CERKL: variants seen among roughly 807,000 people sequenced by gnomAD.
The protein encoded by CERKL is CERK like autophagy regulator.
CERKL carries 61 observed loss-of-function variants against 63.4 expected under a neutral mutation model. The ratio of observed to expected loss-of-function variants is 0.96; its 90% CI spans 0.78 to 1.19. CERKL has a LOEUF of 1.19. CERKL is among the 50% of genes most tolerant of loss of function. CERKL has a pLI of 0.00. For synonymous variants in CERKL, 250 were observed against 230.5 expected (o/e 1.08, Z -0.77); for missense variants, 675 against 655.5 (o/e 1.03, Z -0.33).
rs869037405 is a variant in CERKL at position 181,609,533 on chromosome 2, T to TAAAAAAAAAAAAAAAAA, written c.239-5471_239-5455dup. ...CACCATGGTGAAACCCTGTCTCTAC[T>TAAAAAAAAAAAAAAAAA]AAAAAAAAAAAAAAAAAAAAAAATT... On this transcript the variant is annotated intron_variant, in intron 1 of 12. Coordinates refer to ENST00000410087, the MANE Select transcript of CERKL (RefSeq NM_201548.5). 9.1e-4 allele frequency among the ~76,000 whole-genome samples: 64 copies of TAAAAAAAAAAAAAAAAA among 70,214 alleles called. 2 individuals carry two copies. The highest frequency in any genetic ancestry group is 1.6e-3 in the African/African-American group (33 of 21,092). 46.1% of individuals were successfully genotyped at this position (70,214 alleles called of 152,430 possible).
rs143931358 is a variant in CERKL at position 181,537,853 on chromosome 2, C to T, written c.*331G>A. On this transcript the variant is annotated 3_prime_UTR_variant, in exon 13 of 13. Transcript: ENST00000410087. Reference sequence around the variant, plus strand: ...TAACATCAATTTCTATTAGGATATCCGTTTGGCCACACAGCAGGAGGTTAG... The same window carrying T: ...TAACATCAATTTCTATTAGGATATCTGTTTGGCCACACAGCAGGAGGTTAG... 2.7e-4 allele frequency: 135 copies of T among 506,674 alleles called. 1 individual carries two copies. Among genetic ancestry groups the T allele is most frequent in the East Asian group, 1.6e-3 (30 of 18,802 alleles). 31.4% of individuals were successfully genotyped at this position (506,674 alleles called of 1,614,324 possible). A position where few individuals can be genotyped will look rare whatever the true frequency, so the allele number is the denominator to read the frequency against.
At chr2:181,539,350 G>A (rs1687382725) in intron 11 of CERKL, 86 bp from the exon 12 acceptor site, 7 of 843,346 alleles carry the variant, frequency 8.3e-6, no homozygotes, top group African/African-American at 1.7e-5. Context: ...TCTCTCACAA[G>A]TAAATATCAG....
At position 181,654,218 on chromosome 2, in the gene CERKL, T is replaced by C. The variant is rs555140733; in HGVS notation, c.238+2551A>G. On this transcript the variant is annotated intron_variant, in intron 1 of 12. Coordinates refer to ENST00000410087, the MANE Select transcript of CERKL (RefSeq NM_201548.5). ...ACTTTGTGCCTCCCAAATTGACTTATAGCCTCTTTTCGAAAGCCTCACTTC... is the reference window on the plus strand; with the variant it reads ...ACTTTGTGCCTCCCAAATTGACTTACAGCCTCTTTTCGAAAGCCTCACTTC... Among the ~76,000 whole-genome samples, 60 of 151,246 alleles carry C rather than the reference T, an allele frequency of 4.0e-4. 1 individual carries two copies. The South Asian group carries it at 4.6e-3, about 12-fold the overall frequency.
At chr2:181,605,877 C>T (rs1291034240) in intron 1 of CERKL, among the ~76,000 whole-genome samples, 7 of 151,950 alleles carry the variant, frequency 4.6e-5, no homozygotes, top group Non-Finnish European at 1.0e-4. Context: ...TGTTATCCTC[C>T]GATTGGAGTG....
intron 1 of CERKL, among the ~76,000 whole-genome samples, chr2:181,624,419 T>C (rs527753312): frequency 2.0e-3 from 296 of 151,686 alleles, no homozygotes; most frequent in African/African-American, 6.9e-3. Context: ...CCTGTAGTCC[T>C]AGCTACTGGA....
rs1403005757 is a variant in CERKL, at chr2:181,537,956, T to C, written c.*228A>G. 6.3e-6 allele frequency: 4 copies of C among 638,784 alleles called. No homozygotes were observed. The highest frequency in any genetic ancestry group is 3.6e-5 in the African/African-American group (2 of 55,602). 39.6% of individuals were successfully genotyped at this position (638,784 alleles called of 1,614,324 possible). A position where few individuals can be genotyped will look rare whatever the true frequency, so the allele number is the denominator to read the frequency against. On this transcript the variant is annotated 3_prime_UTR_variant, in exon 13 of 13. Transcript: ENST00000410087. ...GATTCTCATAGAAGTGCGAACCATA[T>C]GGTGAACTGGTATGTGAGGGATCTA...
chr2:181,651,105 C>A (rs1443441478), intron 1 of CERKL, among the ~76,000 whole-genome samples: 1 of 152,168 alleles, frequency 6.6e-6, no homozygotes, highest in Non-Finnish European at 1.5e-5. Flanking sequence ...AAACATTTAA[C>A]AAACCAATAT....
intron 4 of CERKL, among the ~76,000 whole-genome samples, chr2:181,564,812 G>T (rs969770747): frequency 6.6e-6 from 1 of 152,172 alleles, no homozygotes; most frequent in Admixed American, 6.5e-5. Flanking sequence ...CAAATAGGTA[G>T]TTGGTATGCA....
intron 1 of CERKL, among the ~76,000 whole-genome samples, chr2:181,607,466 C>T (rs530822858): frequency 6.6e-6 from 1 of 152,280 alleles, no homozygotes; most frequent in Admixed American, 6.5e-5. Context: ...GAAAACAGCC[C>T]TTCTCTTATA....
At chr2:181,654,768 C>G (rs1409411896) in intron 1 of CERKL, among the ~76,000 whole-genome samples, 1 of 152,034 alleles carries the variant, frequency 6.6e-6, no homozygotes, top group Non-Finnish European at 1.5e-5. Context: ...TCTTATTTCC[C>G]AGTGTTTGTT....
chr2:181,575,913 A>G (rs1442085417), intron 2 of CERKL, among the ~76,000 whole-genome samples: 1 of 152,150 alleles, frequency 6.6e-6, no homozygotes. Context: ...GCCTTTCTTA[A>G]TCAGCAACAG....
At chr2:181,637,324 A>G (rs1687222361) in intron 1 of CERKL, among the ~76,000 whole-genome samples, 1 of 152,192 alleles carries the variant, frequency 6.6e-6, no homozygotes, top group Admixed American at 6.5e-5. Context: ...CAAAAAACGG[A>G]AAGTAAAGTT....
intron 1 of CERKL, among the ~76,000 whole-genome samples, chr2:181,648,389 T>C (rs1687754990): frequency 6.6e-6 from 1 of 151,800 alleles, no homozygotes; most frequent in African/African-American, 2.4e-5. Context: ...GATAATTTAT[T>C]CAAGATGCTA....
At chr2:181,644,398 T>G (rs539672390) in intron 1 of CERKL, among the ~76,000 whole-genome samples, 1 of 152,370 alleles carries the variant, frequency 6.6e-6, no homozygotes, top group African/African-American at 2.4e-5. Context: ...CATGTATGAT[T>G]CTATAATTAA....
chr2:181,592,895 T>C (rs1034980381), intron 2 of CERKL, among the ~76,000 whole-genome samples: 2 of 152,138 alleles, frequency 1.3e-5, no homozygotes, highest in African/African-American at 4.8e-5. Context: ...ATGAATTCTA[T>C]TAGTATAATG....
intron 2 of CERKL, among the ~76,000 whole-genome samples, chr2:181,602,538 C>G (rs1348534423): frequency 6.6e-6 from 1 of 151,608 alleles, no homozygotes; most frequent in Non-Finnish European, 1.5e-5. Context: ...TTGAAATAAC[C>G]AAGTCTTCTT....
At chr2:181,576,562 T>C (rs1293610925) in intron 2 of CERKL, among the ~76,000 whole-genome samples, 2 of 152,222 alleles carry the variant, frequency 1.3e-5, no homozygotes, top group African/African-American at 4.8e-5. Context: ...GGACTTTGGC[T>C]TTTGTAGAGA....
chr2:181,590,502 A>G (rs1448142197), intron 2 of CERKL, among the ~76,000 whole-genome samples: 2 of 142,920 alleles, frequency 1.4e-5, no homozygotes, highest in Non-Finnish European at 3.0e-5. Flanking sequence ...GAAAAGTTAT[A>G]TATTGGGAGA....
At chr2:181,540,262 C>G (rs1358649059) in intron 11 of CERKL, among the ~76,000 whole-genome samples, 2 of 152,154 alleles carry the variant, frequency 1.3e-5, no homozygotes, top group Admixed American at 6.5e-5. Context: ...TGCGTTAGAC[C>G]TCCTACCTCG....
Sources: allele counts gnomAD v4.1 joint callset (sites outside exome capture counted in the v4.1 genomes callset), GRCh38; gene constraint gnomAD v4.1.1; transcripts MANE v1.5; gene names NCBI Gene and HGNC (gene_info 2026-07-23, HGNC 2026-07-21).